Variants in PCDHGA2 observed in about 807,000 individuals in gnomAD.
PCDHGA2 encodes protocadherin gamma-A2.
In PCDHGA2, 40 loss-of-function variants were observed where a neutral mutation model predicts 59.2. The ratio of observed to expected loss-of-function variants is 0.68; its 90% CI spans 0.52 to 0.88. PCDHGA2 has a LOEUF of 0.88. Ranked by LOEUF, PCDHGA2 falls within the 40% of genes least tolerant of loss-of-function variation. The pLI, the probability that PCDHGA2 is intolerant of heterozygous loss-of-function variation, is 0.00. For missense variants in PCDHGA2, 1,226 were observed against 1,204.0 expected (o/e 1.02, Z -0.27); for synonymous variants, 560 against 526.0 (o/e 1.06, Z -0.89).
chr5:141,356,258 C>T, intron 1 of PCDHGA2: 2 of 1,566,144 alleles, frequency 1.3e-6, no homozygotes, highest in Non-Finnish European at 1.7e-6. Flanking sequence ...ACATCTCTCA[C>T]CAGCTCAGTC....
intron 1 of PCDHGA2, 143 bp downstream of exon 1, chr5:141,341,538 G>C (rs1757066708): frequency 6.8e-7 from 1 of 1,476,322 alleles, no homozygotes. Flanking sequence ...ATTATTTCTT[G>C]GTAGGTCTTA....
chr5:141,450,491 G>C (rs1264524088), intron 1 of PCDHGA2, among the ~76,000 whole-genome samples: 1 of 151,896 alleles, frequency 6.6e-6, no homozygotes, highest in Non-Finnish European at 1.5e-5. Context: ...TTGTTTGTCT[G>C]TTTGTTTGTT....
chr5:141,459,302 A>G (rs1401348885), intron 1 of PCDHGA2, among the ~76,000 whole-genome samples: 1 of 152,328 alleles, frequency 6.6e-6, no homozygotes, highest in Admixed American at 6.5e-5. Context: ...CCTATAACAT[A>G]TACTATTTTG....
intron 1 of PCDHGA2, chr5:141,344,109 A>G (rs1757365580): frequency 6.2e-7 from 1 of 1,613,872 alleles, no homozygotes; most frequent in Non-Finnish European, 8.5e-7. Flanking sequence ...GCTGTGCGAA[A>G]CAGGATCCGG....
chr5:141,372,305 C>T (rs749468095), intron 1 of PCDHGA2: 5 of 1,613,260 alleles, frequency 3.1e-6, no homozygotes, highest in South Asian at 1.1e-5. Context: ...ACAGGGAGGC[C>T]GCCCGCCAGC....
At chr5:141,439,009 G>T (rs1474312524) in intron 1 of PCDHGA2, among the ~76,000 whole-genome samples, 1 of 151,594 alleles carries the variant, frequency 6.6e-6, no homozygotes, top group Non-Finnish European at 1.5e-5. Flanking sequence ...TGGTTTGTTT[G>T]TCAAATTTTG....
chr5:141,425,394 G>C (rs186813737), intron 1 of PCDHGA2, among the ~76,000 whole-genome samples: 2 of 152,184 alleles, frequency 1.3e-5, no homozygotes, highest in Non-Finnish European at 2.9e-5. Context: ...TAGTGATAAA[G>C]TTCTGTTAAG....
intron 1 of PCDHGA2, among the ~76,000 whole-genome samples, chr5:141,482,530 C>CAAAAAAAAA (rs3074545): frequency 5.2e-4 from 40 of 76,506 alleles, no homozygotes; most frequent in African/African-American, 1.4e-3. Context: ...GACAGACATG[C>CAAAAAAAAA]AAAAAAAAAA....
rs543179504 is a variant in PCDHGA2, at chr5:141,381,358, A to G, written c.2424+39963A>G. ...AGCTTTCTTTTCTTTCTGCTAGCAG[A>G]GGGTAGCCTCGGATCCATCAATAAT... is the stretch of plus-strand genomic sequence containing the variant. On this transcript the variant is annotated intron_variant, in intron 1 of 3. Coordinates refer to ENST00000394576, the MANE Select transcript of PCDHGA2 (RefSeq NM_018915.4). Among the ~76,000 whole-genome samples the G allele has an allele frequency of 4.6e-5, 7 of 152,330 alleles. No individual in the cohort carries two copies. In the South Asian group the frequency reaches 1.4e-3, roughly 32 times the overall value.
In PCDHGA2 at chr5:141,485,539, G is replaced by T; in HGVS notation, c.2425-9268G>T. 6.2e-7 allele frequency: 1 copy of T among 1,614,104 alleles called. No individual in the cohort carries two copies. Among genetic ancestry groups the T allele is most frequent in the Non-Finnish European group, 8.5e-7 (1 of 1,179,998 alleles). On this transcript the variant is annotated intron_variant, in intron 1 of 3. Coordinates refer to ENST00000394576, the MANE Select transcript of PCDHGA2 (RefSeq NM_018915.4). This position sits in a 1 kb window ranked among gnomAD's most constrained non-coding sequence, Gnocchi z 5.7. ...TGGAAATGTACCGAGCAGAGGTAGA[G>T]ATCGTAGATGTGAATGATCACGCCC...
intron 1 of PCDHGA2, chr5:141,384,204 A>T: frequency 4.3e-6 from 7 of 1,613,886 alleles, no homozygotes; most frequent in Non-Finnish European, 5.9e-6. Flanking sequence ...TGTCCAGGGA[A>T]ACTCACATAT....
chr5:141,511,007 G>A lies in PCDHGA2; in HGVS notation c.2633G>A (p.Arg878His), dbSNP rs780918754. The change falls in exon 4 of 4, where the codon CGC becomes CAC. Residue 878 changes from arginine to histidine, a missense_variant. Physicochemically the swap from Arg to His is conservative, Grantham distance 29 (BLOSUM62 0). Transcript: ENST00000394576. ...GCCGGCACCATGGGATTGAGCGCCC[G>A]CTACGGACCCCAGTTCACCCTGCAG... is the stretch of plus-strand genomic sequence containing the variant. ...GGAGTMGLSA[R>H]YGPQFTLQHV... 1.9e-6 allele frequency: 3 copies of A among 1,614,158 alleles called. No individual in the cohort carries two copies. Among genetic ancestry groups the A allele is most frequent in the East Asian group, 4.5e-5 (2 of 44,890 alleles).
Position 141,357,072 on chromosome 5 carries a change from C to A in PCDHGA2, c.2424+15677C>A, listed in dbSNP as rs745612694. On this transcript the variant is annotated intron_variant, in intron 1 of 3. Coordinates refer to ENST00000394576, the MANE Select transcript of PCDHGA2 (RefSeq NM_018915.4). ...TATTTGCAGTGGGGCTGCACACAGG[C>A]GAGGTGCGCACCGCACGGGCCCTGC... 33 of 1,613,960 alleles carry A rather than the reference C, an allele frequency of 2.0e-5. 1 individual carries two copies. Among genetic ancestry groups the A allele is most frequent in the South Asian group, 1.8e-4 (16 of 91,092 alleles).
rs558467940 is a variant in PCDHGA2, at chr5:141,373,761, G to C, written c.2424+32366G>C. Among the ~76,000 whole-genome samples the C allele has an allele frequency of 9.2e-5, 14 of 152,338 alleles. No individual in the cohort carries two copies. The East Asian group carries it at 2.5e-3, about 27-fold the overall frequency. ...ATTATCTTGGGGAGGGAAATATTAT[G>C]AGTGTCATCTCTGCAGATTTAGCAG... On this transcript the variant is annotated intron_variant, in intron 1 of 3. Transcript: ENST00000394576.
At chr5:141,510,315 G>A (rs2099880567) in intron 3 of PCDHGA2, among the ~76,000 whole-genome samples, 1 of 151,324 alleles carries the variant, frequency 6.6e-6, no homozygotes, top group African/African-American at 2.4e-5. Flanking sequence ...TGGAGGCTTG[G>A]AAGAGCACTC....
In PCDHGA2 at chr5:141,432,184, C is replaced by G; in HGVS notation, c.2425-62623C>G. 1 of 1,614,164 alleles carries G rather than the reference C, an allele frequency of 6.2e-7. No individual in the cohort carries two copies. The highest frequency in any genetic ancestry group is 2.2e-5 in the East Asian group (1 of 44,872). On this transcript the variant is annotated intron_variant, in intron 1 of 3. Coordinates refer to ENST00000394576, the MANE Select transcript of PCDHGA2 (RefSeq NM_018915.4). This position sits in a 1 kb window ranked among gnomAD's most constrained non-coding sequence, Gnocchi z 6.0. Reference sequence around the variant, plus strand: ...GAGGAGTTTCCCTCGTCTCTGTGACCGCCCACGACCCCGACTGTGAAGAGA... The same window carrying G: ...GAGGAGTTTCCCTCGTCTCTGTGACGGCCCACGACCCCGACTGTGAAGAGA...
Position 141,423,752 on chromosome 5 carries a change from G to A in PCDHGA2, c.2425-71055G>A, listed in dbSNP as rs749899386. 4.7e-6 allele frequency: 3 copies of A among 644,956 alleles called. 1 individual carries two copies. The highest frequency in any genetic ancestry group is 1.1e-4 in the South Asian group (2 of 17,914). 40.0% of individuals were successfully genotyped at this position (644,956 alleles called of 1,614,324 possible). ...TTGAGCCTGTTATGAAAACTGTTTGGGGGGGGGGTGGGGCGGCATATATTT... is the reference window on the plus strand; with the variant it reads ...TTGAGCCTGTTATGAAAACTGTTTGAGGGGGGGGTGGGGCGGCATATATTT... On this transcript the variant is annotated intron_variant, in intron 1 of 3. Transcript: ENST00000394576.
At chr5:141,419,747 C>T (rs1322393151) in intron 1 of PCDHGA2, 3 of 1,613,840 alleles carry the variant, frequency 1.9e-6, no homozygotes, top group Admixed American at 1.7e-5. Context: ...GCGCATGGTG[C>T]GTGCTTTGGG....
chr5:141,410,710 CAT>C lies in PCDHGA2; in HGVS notation c.2424+69318_2424+69319del, dbSNP rs140431021. 1.9e-3 allele frequency: 2,785 copies of C among 1,444,504 alleles called. 45 individuals are homozygous for C. In the African/African-American group the frequency reaches 0.033, roughly 17 times the overall value. The allele number at this position is 1,444,504 out of a possible 1,614,324, so 89.5% of individuals were successfully genotyped here. On this transcript the variant is annotated intron_variant, in intron 1 of 3. Coordinates refer to ENST00000394576, the MANE Select transcript of PCDHGA2 (RefSeq NM_018915.4). ...ACTACTTTATTTTCATATCTAGAATCATATGTTTAAAATCCATAGCTTTTTAC... is the reference window on the plus strand; with the variant it reads ...ACTACTTTATTTTCATATCTAGAATCATGTTTAAAATCCATAGCTTTTTAC...
Sources: gnomAD v4.1 joint callset for allele counts (sites outside exome capture counted in the v4.1 genomes callset) on GRCh38, gnomAD v4.1.1 for gene constraint, Gnocchi (gnomAD v3.1) non-coding constraint, MANE v1.5 for transcripts, NCBI Gene and HGNC (gene_info 2026-07-23, HGNC 2026-07-21) for gene names.